The following RARB variants were observed in gnomAD, a reference collection of about 807,000 sequenced individuals.
The protein encoded by RARB is retinoic acid receptor beta.
In RARB, 17 loss-of-function variants were observed where a neutral mutation model predicts 51.9. The ratio of observed to expected loss-of-function variants is 0.33; its 90% CI spans 0.22 to 0.49. RARB has a LOEUF of 0.49. Ranked by LOEUF, RARB falls within the 20% of genes least tolerant of loss-of-function variation. The pLI is 0.99. For synonymous variants in RARB, 215 were observed against 195.4 expected (o/e 1.10, Z -0.84); for missense variants, 369 against 550.8 (o/e 0.67, Z 3.30).
At chr3:24,971,321 T>C (rs910298391) in intron 2 of RARB, among the ~76,000 whole-genome samples, 1 of 152,038 alleles carries the variant, frequency 6.6e-6, no homozygotes, top group East Asian at 1.9e-4. Context: ...TTTTCCTTGA[T>C]GTTTGGACTC....
rs141447479 is a variant in RARB at position 25,171,405 on chromosome 3, C to A, written c.-279-2714C>A. ...CCCAGTGACTGCTCAGACAATTTTC[C>A]ACCAACCTAATGTCGGGATTTTCTC... On this transcript the variant is annotated intron_variant, in intron 4 of 11. Transcript: ENST00000383772. 3.1e-3 allele frequency among the ~76,000 whole-genome samples: 457 copies of A among 147,902 alleles called. 11 individuals are homozygous for A. Among genetic ancestry groups the A allele is most frequent in the Admixed American group, 0.024 (349 of 14,628 alleles).
At chr3:25,430,988 C>CT (rs11360533) in intron 1 of RARB, among the ~76,000 whole-genome samples, 4,036 of 105,186 alleles carry the variant, frequency 0.038, 92 homozygotes, top group Middle Eastern at 0.11. Context: ...AAAACTAAAA[C>CT]TTTTTTTTTT....
intron 5 of RARB, among the ~76,000 whole-genome samples, chr3:25,236,493 CATAA>C (rs1007411947): frequency 1.3e-5 from 2 of 151,864 alleles, no homozygotes; most frequent in African/African-American, 2.4e-5. Flanking sequence ...ATGAACAATA[CATAA>C]ATAAAGTTAT....
intron 5 of RARB, among the ~76,000 whole-genome samples, chr3:25,379,058 G>A (rs1423013762): frequency 3.3e-5 from 5 of 152,162 alleles, no homozygotes; most frequent in Non-Finnish European, 5.9e-5. Flanking sequence ...CTTCTTGCAG[G>A]CAACATAAGT....
chr3:25,141,451 G>C (rs1426532101), intron 4 of RARB, among the ~76,000 whole-genome samples: 1 of 152,140 alleles, frequency 6.6e-6, no homozygotes, highest in African/African-American at 2.4e-5. Context: ...GCCACTGATA[G>C]GTAGAATGAT....
chr3:25,226,721 C>G (rs1375985424), intron 5 of RARB, among the ~76,000 whole-genome samples: 1 of 152,150 alleles, frequency 6.6e-6, no homozygotes, highest in Non-Finnish European at 1.5e-5. Context: ...CTGGGAGATT[C>G]TCCCCAACTC....
At chr3:25,306,476 A>G (rs1057091988) in intron 5 of RARB, among the ~76,000 whole-genome samples, 2 of 152,054 alleles carry the variant, frequency 1.3e-5, no homozygotes, top group African/African-American at 4.8e-5. Context: ...CTTGTTTCAT[A>G]GAAAAACCAG....
chr3:25,490,840 T>G (rs1240071593), intron 2 of RARB, among the ~76,000 whole-genome samples: 1 of 152,186 alleles, frequency 6.6e-6, no homozygotes, highest in East Asian at 1.9e-4. Context: ...CTGACCTAAG[T>G]AATTTAGAAA....
intron 3 of RARB, among the ~76,000 whole-genome samples, chr3:25,566,358 A>G (rs534382382): frequency 6.6e-6 from 1 of 152,310 alleles, no homozygotes; most frequent in Admixed American, 6.5e-5. Context: ...TTATTCACAT[A>G]GACAGTGGTG....
At chr3:25,024,192 G>T (rs1188416886) in intron 2 of RARB, among the ~76,000 whole-genome samples, 1 of 152,112 alleles carries the variant, frequency 6.6e-6, no homozygotes, top group Non-Finnish European at 1.5e-5. Context: ...TAAGACTTTT[G>T]TAGATTTTTC....
At chr3:25,250,334 G>A (rs935231027) in intron 5 of RARB, among the ~76,000 whole-genome samples, 8 of 152,196 alleles carry the variant, frequency 5.3e-5, no homozygotes, top group African/African-American at 1.9e-4. Flanking sequence ...GGCTAGGGTA[G>A]ACAGGGATAG....
chr3:24,926,788 A>G (rs1316005348), intron 2 of RARB, among the ~76,000 whole-genome samples: 1 of 152,140 alleles, frequency 6.6e-6, no homozygotes, highest in African/African-American at 2.4e-5. Context: ...CTGCTAGAAG[A>G]ACAAACTATA....
At chr3:24,917,934 C>T (rs188316950) in intron 2 of RARB, among the ~76,000 whole-genome samples, 172 of 152,254 alleles carry the variant, frequency 1.1e-3, no homozygotes, top group African/African-American at 4.0e-3. Flanking sequence ...AATCTGGAAC[C>T]CTCATACATT....
chr3:25,273,342 T>G (rs1445601333), intron 5 of RARB, among the ~76,000 whole-genome samples: 4 of 152,224 alleles, frequency 2.6e-5, no homozygotes, highest in Non-Finnish European at 4.4e-5. Flanking sequence ...ATTGCCTACT[T>G]CAGAAATGTT....
At chr3:25,202,712 C>T (rs1198688629) in intron 5 of RARB, among the ~76,000 whole-genome samples, 1 of 152,162 alleles carries the variant, frequency 6.6e-6, no homozygotes, top group Non-Finnish European at 1.5e-5. Flanking sequence ...CATTCAGGAG[C>T]AGGTTGTTCA....
intron 4 of RARB, among the ~76,000 whole-genome samples, chr3:25,136,239 T>C (rs1220626231): frequency 1.3e-5 from 2 of 152,026 alleles, no homozygotes; most frequent in African/African-American, 4.8e-5. Flanking sequence ...TTAAAGACTC[T>C]TGAAGATAGT....
At chr3:25,300,163 C>A (rs1170064785) in intron 5 of RARB, among the ~76,000 whole-genome samples, 1 of 152,190 alleles carries the variant, frequency 6.6e-6, no homozygotes. Context: ...ATCGCTGCTG[C>A]CATGTGTCTG....
At chr3:25,584,648 A>G (rs1426176631) in intron 5 of RARB, among the ~76,000 whole-genome samples, 1 of 152,050 alleles carries the variant, frequency 6.6e-6, no homozygotes, top group Non-Finnish European at 1.5e-5. Flanking sequence ...GAGACCTTAG[A>G]TCCTGGAGTG....
intron 2 of RARB, among the ~76,000 whole-genome samples, chr3:25,031,599 G>A (rs1697877807): frequency 6.6e-6 from 1 of 152,136 alleles, no homozygotes; most frequent in Non-Finnish European, 1.5e-5. Context: ...CACTAACTCT[G>A]TTGACCCACT....
Sources: allele counts gnomAD v4.1 joint callset (sites outside exome capture counted in the v4.1 genomes callset), GRCh38; gene constraint gnomAD v4.1.1; transcripts MANE v1.5; gene names NCBI Gene and HGNC (gene_info 2026-07-23, HGNC 2026-07-21).